Variants in BBS12 observed in about 807,000 individuals in gnomAD.
The protein encoded by BBS12 is Bardet-Biedl syndrome 12.
BBS12 carries 5 observed loss-of-function variants against 5.6 expected under a neutral mutation model. The ratio of observed to expected loss-of-function variants is 0.89; its 90% CI spans 0.46 to 1.86. BBS12 has a LOEUF of 1.86. Ranked by LOEUF, BBS12 falls within the 40% of genes most tolerant of loss-of-function variation. The pLI, the probability that BBS12 is intolerant of heterozygous loss-of-function variation, is 0.01. For synonymous variants in BBS12, 308 were observed against 306.8 expected, an observed-to-expected ratio of 1.00 and a Z score of -0.04; for missense variants, 748 against 830.4, an observed-to-expected ratio of 0.90 and a Z score of 1.22.
At position 122,739,830 on chromosome 4, in the gene BBS12, C is replaced by T. The variant is rs569350200; in HGVS notation, c.-10-2053C>T. Reference sequence around the variant, plus strand: ...ATGTTTAGCATATATTATTAGAACACGTCCCATGCCCCCGCTCCCTTTAAG... The same window carrying T: ...ATGTTTAGCATATATTATTAGAACATGTCCCATGCCCCCGCTCCCTTTAAG... On this transcript the variant is annotated intron_variant, in intron 1 of 1. Coordinates refer to ENST00000314218, the MANE Select transcript of BBS12 (RefSeq NM_152618.3). Among the ~76,000 whole-genome samples the T allele has an allele frequency of 2.6e-5, 4 of 152,246 alleles. No individual in the cohort carries two copies. In the East Asian group the frequency reaches 5.8e-4, roughly 22 times the overall value.
chr4:122,713,664 T>A, the BBS12 span, among the ~76,000 whole-genome samples: 4 of 152,106 alleles, frequency 2.6e-5, no homozygotes, highest in Admixed American at 6.6e-5. Flanking sequence ...TTGGATTGAG[T>A]AAGATCAGTG....
At chr4:122,734,109 T>C (rs906999417) in intron 1 of BBS12, 2 of 152,176 alleles carry the variant, frequency 1.3e-5, no homozygotes, top group Non-Finnish European at 2.9e-5. Context: ...TATCCTCATA[T>C]TGCAGGTGAT....
chr4:122,720,833 A>G, the BBS12 span, among the ~76,000 whole-genome samples: 1 of 151,862 alleles, frequency 6.6e-6, no homozygotes, highest in African/African-American at 2.4e-5. Flanking sequence ...ACTTGGGTAC[A>G]TCATAGTTAA....
At chr4:122,700,569 G>A in the BBS12 span, among the ~76,000 whole-genome samples, 2 of 152,214 alleles carry the variant, frequency 1.3e-5, no homozygotes, top group Admixed American at 6.5e-5. Flanking sequence ...GCCTGTTGGT[G>A]AGTAATAAAC....
In BBS12 at chr4:122,742,955, C is replaced by T. The variant is rs121918327; in HGVS notation, c.1063C>T (p.Arg355Ter). Reference protein sequence around the residue: ...VIKELQNQPVRIVLIEGDLTE... With the variant: ...VIKELQNQPV ...CAAGGAATTGCAGAATCAGCCTGTGCGAATAGTTCTCATTGAGGGTGACCT... is the reference window on the plus strand; with the variant it reads ...CAAGGAATTGCAGAATCAGCCTGTGTGAATAGTTCTCATTGAGGGTGACCT... The change falls in exon 2 of 2, where the codon CGA (arginine) becomes TGA (stop). Residue 355 changes from arginine (R) to a stop codon, truncating the protein, a stop_gained. Transcript: ENST00000314218. LOFTEE classifies it low-confidence loss of function (END_TRUNC). 1.7e-5 allele frequency: 28 copies of T among 1,614,044 alleles called. No homozygotes were observed. The highest frequency in any genetic ancestry group is 2.7e-5 in the African/African-American group (2 of 74,938).
chr4:122,720,469 C>CA, the BBS12 span, among the ~76,000 whole-genome samples: 579 of 151,236 alleles, frequency 3.8e-3, 1 homozygote, highest in African/African-American at 0.013. Flanking sequence ...AGAAAACAAA[C>CA]AAAAAAAACA....
At chr4:122,717,866 C>A in the BBS12 span, among the ~76,000 whole-genome samples, 1 of 152,194 alleles carries the variant, frequency 6.6e-6, no homozygotes, top group South Asian at 2.1e-4. Context: ...AGCTATCAGC[C>A]TCTCCCATTT....
the BBS12 span, among the ~76,000 whole-genome samples, chr4:122,716,692 T>TGTATACACACACAC: frequency 1.0e-4 from 7 of 66,730 alleles, no homozygotes; most frequent in African/African-American, 5.0e-4. Context: ...CACATATGTG[T>TGTATACACACACAC]ATGTGTGTGT....
chr4:122,710,596 T>G, the BBS12 span, among the ~76,000 whole-genome samples: 26 of 152,122 alleles, frequency 1.7e-4, no homozygotes, highest in Admixed American at 1.6e-3. Context: ...ATGGATAGAC[T>G]GACAGTTATG....
the BBS12 span, among the ~76,000 whole-genome samples, chr4:122,710,719 C>T: frequency 8.6e-5 from 13 of 151,240 alleles, no homozygotes; most frequent in Admixed American, 2.0e-4. Flanking sequence ...TTTTTTAATA[C>T]GTAAAGGTAT....
intron 1 of BBS12, among the ~76,000 whole-genome samples, chr4:122,735,103 T>A (rs1275586972): frequency 6.6e-6 from 1 of 152,172 alleles, no homozygotes; most frequent in Non-Finnish European, 1.5e-5. Context: ...GTATTTTTAA[T>A]CTGCTTTGGT....
rs771195621 is a variant in BBS12 at position 122,742,694 on chromosome 4, T to C, written c.802T>C (p.Leu268=). The stretch of plus-strand genomic sequence containing the variant: ...TCACAAAACTTACAGATGTAATGAT[T>C]TGGTAGAGTTGGCAGTAGGCTTGAG... ...ATHKTYRCND[L]VELAVGLSHG... The change falls in exon 2 of 2, where the codon TTG becomes CTG. Residue 268 remains leucine (L), a synonymous_variant. Coordinates refer to ENST00000314218, the MANE Select transcript of BBS12 (RefSeq NM_152618.3). 2.0e-5 allele frequency: 32 copies of C among 1,614,084 alleles called. No individual in the cohort carries two copies. Among genetic ancestry groups the C allele is most frequent in the South Asian group, 3.3e-5 (3 of 91,090 alleles).
chr4:122,743,608 T>C lies in BBS12; in HGVS notation c.1716T>C (p.Thr572=), dbSNP rs1578491962. 2 of 1,614,164 alleles carry C rather than the reference T, an allele frequency of 1.2e-6. No individual in the cohort carries two copies. The highest frequency in any genetic ancestry group is 8.5e-7 in the Non-Finnish European group (1 of 1,180,016). The change falls in exon 2 of 2, where the codon ACT becomes ACC. Residue 572 remains threonine, a synonymous_variant. Transcript: ENST00000314218. The part of the protein sequence containing the change: ...NHACSGWLHN[T]SSWLASSLAI... ...CCTGCTCAGGGTGGCTGCATAATAC[T>C]TCCTCTTGGCTGGCTTCATCTCTGG...
the BBS12 span, among the ~76,000 whole-genome samples, chr4:122,700,651 G>A: frequency 2.6e-5 from 4 of 152,180 alleles, no homozygotes; most frequent in South Asian, 2.1e-4. Context: ...TAACCGGTGC[G>A]CAGTAAAACT....
At chr4:122,703,383 T>C in the BBS12 span, among the ~76,000 whole-genome samples, 1 of 152,120 alleles carries the variant, frequency 6.6e-6, no homozygotes, top group Non-Finnish European at 1.5e-5. Flanking sequence ...TGGCCCTTCT[T>C]AAGACTTTCC....
At chr4:122,725,394 T>A in the BBS12 span, among the ~76,000 whole-genome samples, 1 of 152,114 alleles carries the variant, frequency 6.6e-6, no homozygotes, top group African/African-American at 2.4e-5. Flanking sequence ...CACAACAGCA[T>A]GGTACTGGTA....
the BBS12 span, among the ~76,000 whole-genome samples, chr4:122,719,921 AT>A: frequency 1.2e-4 from 19 of 152,322 alleles, no homozygotes; most frequent in South Asian, 4.1e-4. Flanking sequence ...GACTAAAACC[AT>A]TCCCCATTCC....
rs1224498745 is a variant in BBS12 at position 122,742,877 on chromosome 4, T to C, written c.985T>C (p.Cys329Arg). 2 of 1,614,240 alleles carry C rather than the reference T, an allele frequency of 1.2e-6. No homozygotes were observed. Among genetic ancestry groups the C allele is most frequent in the Non-Finnish European group, 1.7e-6 (2 of 1,180,044 alleles). Residue 329 changes from cysteine (C) to arginine (R), a missense_variant, in exon 2 of 2, where the codon TGT (cysteine) becomes CGT (arginine). By Grantham distance (180) the Cys-to-Arg change is radical. Transcript: ENST00000314218. ...CLPGLPETSS[C>R]VCPGYITVVS... is the part of the protein sequence containing the mutation. ...ACCAGGCTTACCTGAAACTTCTTCT[T>C]GTGTTTGTCCAGGATATATCACTGT...
At chr4:122,737,673 A>G (rs1800803756) in intron 1 of BBS12, among the ~76,000 whole-genome samples, 1 of 152,210 alleles carries the variant, frequency 6.6e-6, no homozygotes, top group East Asian at 1.9e-4. Flanking sequence ...ACCTCACACC[A>G]TTTACAAAAG....
Sources: gnomAD v4.1 joint callset for allele counts (sites outside exome capture counted in the v4.1 genomes callset) on GRCh38, gnomAD v4.1.1 for gene constraint, MANE v1.5 for transcripts, NCBI Gene and HGNC (gene_info 2026-07-23, HGNC 2026-07-21) for gene names.